Variants in RAMP1 observed in about 807,000 individuals in gnomAD.
RAMP1 encodes the protein receptor activity-modifying protein 1.
RAMP1 carries 7 observed loss-of-function variants against 8.2 expected under a neutral mutation model. That is an observed-to-expected ratio of 0.85 (90% CI 0.49 to 1.60). The LOEUF is 1.60. Ranked by LOEUF, RAMP1 falls within the 40% of genes most tolerant of loss-of-function variation. RAMP1 has a pLI of 0.00. For missense variants in RAMP1, 192 were observed against 202.4 expected (o/e 0.95, Z 0.31); for synonymous variants, 92 against 84.7 (o/e 1.09, Z -0.47).
At chr2:237,868,939 C>T (rs1043294953) in intron 1 of RAMP1, among the ~76,000 whole-genome samples, 25 of 152,292 alleles carry the variant, frequency 1.6e-4, no homozygotes, top group African/African-American at 5.5e-4. Context: ...ACTTAGTGTG[C>T]ATTGCGGGTT....
chr2:237,883,908 T>G (rs1576544693), intron 2 of RAMP1, among the ~76,000 whole-genome samples: 4 of 138,088 alleles, frequency 2.9e-5, no homozygotes, highest in East Asian at 2.1e-4. Context: ...GGCCTGTAGG[T>G]CCACTTTTTT....
At chr2:237,892,920 A>G (rs2062500873) in intron 2 of RAMP1, among the ~76,000 whole-genome samples, 1 of 152,236 alleles carries the variant, frequency 6.6e-6, no homozygotes, top group Non-Finnish European at 1.5e-5. Context: ...TATCAGTAAT[A>G]ACCCTTGCTC....
chr2:237,860,527 A>T (rs2062122437), intron 1 of RAMP1, among the ~76,000 whole-genome samples: 1 of 152,144 alleles, frequency 6.6e-6, no homozygotes, highest in South Asian at 2.1e-4. Flanking sequence ...CCTTGTCTGT[A>T]ATGTGTTCCT....
At chr2:237,894,690 C>G (rs967336070) in intron 2 of RAMP1, among the ~76,000 whole-genome samples, 2 of 152,194 alleles carry the variant, frequency 1.3e-5, no homozygotes, top group African/African-American at 4.8e-5. Context: ...CACCTTCATC[C>G]TCCTGGTGCA....
At chr2:237,861,012 G>C (rs2062128344) in intron 1 of RAMP1, among the ~76,000 whole-genome samples, 1 of 152,148 alleles carries the variant, frequency 6.6e-6, no homozygotes, top group Admixed American at 6.5e-5. Context: ...TCTCCATTTG[G>C]CTTGACATGG....
At chr2:237,863,899 TCCGCCAGGGTCAGCA>T (rs2062156359) in intron 1 of RAMP1, among the ~76,000 whole-genome samples, 1 of 150,912 alleles carries the variant, frequency 6.6e-6, no homozygotes, top group East Asian at 1.9e-4. Flanking sequence ...CACTGTGCCC[TCCGCCAGGGTCAGCA>T]CCACCTCCAC....
chr2:237,878,121 G>T lies in RAMP1; in HGVS notation c.191+759G>T. On this transcript the variant is annotated intron_variant, in intron 2 of 2. Transcript: ENST00000254661. This position sits in a 1 kb window ranked among gnomAD's most constrained non-coding sequence, Gnocchi z 5.7. ...GGGGCTGCAGTGGGTGAGTAGCGGG[G>T]TCAGCAGTGCATGCGTGGAGCTGAA... 1 of 985,438 alleles carries T rather than the reference G, an allele frequency of 1.0e-6. No homozygotes were observed. The highest frequency in any genetic ancestry group is 4.7e-5 in the South Asian group (1 of 21,292). 61.0% of individuals were successfully genotyped at this position (985,438 alleles called of 1,614,324 possible).
At chr2:237,859,614 G>T, upstream of RAMP1, 1 of 1,199,718 alleles carries the variant, frequency 8.3e-7, no homozygotes, top group South Asian at 3.2e-5. Context: ...CCCGCGCCGC[G>T]GCGGGCTCAG....
chr2:237,861,979 G>A (rs1042443053), intron 1 of RAMP1, among the ~76,000 whole-genome samples: 6 of 152,082 alleles, frequency 3.9e-5, no homozygotes, highest in Non-Finnish European at 5.9e-5. Context: ...AAAGCTGTTC[G>A]TTAACCAGGA....
chr2:237,892,561 G>A (rs547886368), intron 2 of RAMP1, among the ~76,000 whole-genome samples: 1 of 152,204 alleles, frequency 6.6e-6, no homozygotes, highest in African/African-American at 2.4e-5. Flanking sequence ...TGCCCAGCCT[G>A]TGTTTTCTCT....
rs550867517 is a variant in RAMP1, at chr2:237,871,621, TG to T, written c.53-5600del. ...CCCCGACCCCAACTCCCTTGGGCCC[TG>T]GGCACTTCTACCCTCTGGGACAGTC... is the stretch of plus-strand genomic sequence containing the variant. On this transcript the variant is annotated intron_variant, in intron 1 of 2. Transcript: ENST00000254661. 5.9e-5 allele frequency among the ~76,000 whole-genome samples: 9 copies of T among 152,288 alleles called. No individual in the cohort carries two copies. The South Asian group carries it at 1.9e-3, about 32-fold the overall frequency.
At chr2:237,906,030 A>G (rs1012251709) in intron 2 of RAMP1, among the ~76,000 whole-genome samples, 10 of 137,074 alleles carry the variant, frequency 7.3e-5, no homozygotes, top group African/African-American at 2.5e-4. Context: ...AAAAAAAAAA[A>G]GGCAGCATTC....
intron 2 of RAMP1, among the ~76,000 whole-genome samples, chr2:237,891,294 G>C (rs1023431787): frequency 1.3e-5 from 2 of 152,046 alleles, no homozygotes; most frequent in Non-Finnish European, 1.5e-5. Context: ...GGGACTACAG[G>C]CGCCCGCCAC....
chr2:237,873,581 C>G (rs896968450), intron 1 of RAMP1, among the ~76,000 whole-genome samples: 4 of 152,184 alleles, frequency 2.6e-5, no homozygotes, highest in South Asian at 2.1e-4. Flanking sequence ...AACTTACGCA[C>G]AGCTCGAGGG....
At chr2:237,875,741 G>A (rs569339205) in intron 1 of RAMP1, among the ~76,000 whole-genome samples, 3 of 152,308 alleles carry the variant, frequency 2.0e-5, no homozygotes, top group Non-Finnish European at 2.9e-5. Flanking sequence ...TCTAGCAGCT[G>A]TGGGCTGGGC....
intron 2 of RAMP1, among the ~76,000 whole-genome samples, chr2:237,904,570 T>C (rs2062635632): frequency 6.6e-6 from 1 of 152,216 alleles, no homozygotes; most frequent in African/African-American, 2.4e-5. Context: ...ATCGTGCCAC[T>C]GCACTCCAGC....
chr2:237,876,074 G>A (rs184826334), intron 1 of RAMP1, among the ~76,000 whole-genome samples: 80 of 152,292 alleles, frequency 5.3e-4, no homozygotes, highest in African/African-American at 1.9e-3. Flanking sequence ...TCCACTTTGA[G>A]GCGGCTGTGT....
At chr2:237,911,497 A>T in intron 2 of RAMP1, 31 bp from the exon 3 acceptor site, 4 of 1,609,682 alleles carry the variant, frequency 2.5e-6, no homozygotes, top group Non-Finnish European at 3.4e-6. Flanking sequence ...CCGCCTGCCC[A>T]GGGTCTTACC....
rs549388071 is a variant in RAMP1, at chr2:237,877,494, G to T, written c.191+132G>T. 9.3e-5 allele frequency: 118 copies of T among 1,264,478 alleles called. No homozygotes were observed. The African/African-American group carries it at 1.6e-3, about 17-fold the overall frequency. The allele number at this position is 1,264,478 out of a possible 1,614,324, so 78.3% of individuals were successfully genotyped here. On this transcript the variant is annotated intron_variant, in intron 2 of 2. Transcript: ENST00000254661. The surrounding 1 kb of genome is among the most constrained non-coding windows in gnomAD (Gnocchi z 4.4). ...CGGAAGGGTTCTTCCCCCAGTGGGG[G>T]GGGCCGGGATGAAGACAGAGGAGGG...
Sources: allele counts gnomAD v4.1 joint callset (sites outside exome capture counted in the v4.1 genomes callset), GRCh38; gene constraint gnomAD v4.1.1; non-coding constraint Gnocchi (gnomAD v3.1); transcripts MANE v1.5; gene names NCBI Gene and HGNC (gene_info 2026-07-23, HGNC 2026-07-21).